Variants in MCTP2 observed in about 807,000 individuals in gnomAD.
MCTP2 encodes multiple C2 and transmembrane domain containing 2.
Under a neutral mutation model 111.6 loss-of-function variants are expected in MCTP2, and 132 were observed. The observed-to-expected ratio is 1.18, with a 90% CI of 1.03 to 1.37. The LOEUF is 1.37. Among genes scored for constraint, MCTP2 ranks in the 40% most tolerant of loss-of-function variants. The pLI, the probability that MCTP2 is intolerant of heterozygous loss-of-function variation, is 0.00. For synonymous variants in MCTP2, 395 were observed against 387.7 expected (o/e 1.02, Z -0.22); for missense variants, 1,183 against 1,067.9 (o/e 1.11, Z -1.50).
intron 7 of MCTP2, 108 bp from the exon 8 acceptor site, chr15:94,345,021 C>A: frequency 1.6e-6 from 2 of 1,260,062 alleles, no homozygotes; most frequent in East Asian, 2.5e-5. Flanking sequence ...TATTAATTAT[C>A]TGAATGTAAC....
At chr15:94,365,752 T>A (rs558115892) in intron 10 of MCTP2, among the ~76,000 whole-genome samples, 1 of 152,176 alleles carries the variant, frequency 6.6e-6, no homozygotes, top group African/African-American at 2.4e-5. Context: ...TTTTGGCTGC[T>A]CAAAGAACCA....
chr15:94,361,517 G>T (rs2078942413), intron 10 of MCTP2, among the ~76,000 whole-genome samples: 1 of 152,256 alleles, frequency 6.6e-6, no homozygotes, highest in South Asian at 2.1e-4. Flanking sequence ...GGGTCATCAT[G>T]GCTAACAGTA....
intron 12 of MCTP2, among the ~76,000 whole-genome samples, chr15:94,383,786 A>G (rs1217309867): frequency 2.0e-5 from 3 of 152,156 alleles, no homozygotes; most frequent in East Asian, 3.9e-4. Flanking sequence ...TGGGGACACA[A>G]CCAGACCGTA....
chr15:94,406,876 T>TTA (rs1206027012), intron 17 of MCTP2, among the ~76,000 whole-genome samples: 4 of 149,640 alleles, frequency 2.7e-5, no homozygotes, highest in African/African-American at 9.9e-5. Flanking sequence ...TTTTTTTTTT[T>TTA]AAGTATTCCA....
intron 1 of MCTP2, among the ~76,000 whole-genome samples, chr15:94,248,523 G>A (rs2072178275): frequency 6.6e-6 from 1 of 152,170 alleles, no homozygotes; most frequent in Non-Finnish European, 1.5e-5. Flanking sequence ...GCTTTGGCCA[G>A]GCTTGCTTTA....
chr15:94,382,956 C>T (rs1380262064), intron 12 of MCTP2, among the ~76,000 whole-genome samples: 1 of 152,196 alleles, frequency 6.6e-6, no homozygotes, highest in East Asian at 1.9e-4. Flanking sequence ...CACTGTAGGT[C>T]TAACTTTGGA....
At chr15:94,359,446 A>G (rs1380236178) in intron 10 of MCTP2, among the ~76,000 whole-genome samples, 1 of 152,172 alleles carries the variant, frequency 6.6e-6, no homozygotes, top group African/African-American at 2.4e-5. Context: ...TCTTAAATTT[A>G]AACACAGATG....
intron 21 of MCTP2, among the ~76,000 whole-genome samples, chr15:94,471,748 A>G (rs1325289777): frequency 7.2e-6 from 1 of 139,172 alleles, no homozygotes; most frequent in Admixed American, 7.4e-5. Flanking sequence ...CTGATTAAGA[A>G]GGCATATTTT....
intron 2 of MCTP2, among the ~76,000 whole-genome samples, chr15:94,313,211 C>T (rs1359115628): frequency 6.6e-6 from 1 of 152,206 alleles, no homozygotes; most frequent in African/African-American, 2.4e-5. Context: ...CCCCCCTCCA[C>T]TCTGCCTCTC....
chr15:94,233,980 T>A (rs1268979453), intron 1 of MCTP2, among the ~76,000 whole-genome samples: 1 of 152,172 alleles, frequency 6.6e-6, no homozygotes, highest in Admixed American at 6.5e-5. Flanking sequence ...GCTTTGCCCG[T>A]GAAGCGAGGA....
intron 19 of MCTP2, among the ~76,000 whole-genome samples, chr15:94,450,336 G>A (rs2084366815): frequency 6.6e-6 from 1 of 152,126 alleles, no homozygotes; most frequent in African/African-American, 2.4e-5. Context: ...TTGACTCCAT[G>A]TGTGTGTGCG....
At chr15:94,338,466 T>C (rs1200895377) in intron 4 of MCTP2, among the ~76,000 whole-genome samples, 1 of 151,610 alleles carries the variant, frequency 6.6e-6, no homozygotes, top group Non-Finnish European at 1.5e-5. Flanking sequence ...CAATACATAA[T>C]TCATGTATTA....
intron 1 of MCTP2, among the ~76,000 whole-genome samples, chr15:94,235,448 A>T (rs148527045): frequency 1.3e-5 from 2 of 152,284 alleles, no homozygotes; most frequent in African/African-American, 4.8e-5. Context: ...ATTCTGGTGC[A>T]TGCTAAAATC....
chr15:94,450,333 C>T (rs1042179208), intron 19 of MCTP2, among the ~76,000 whole-genome samples: 14 of 152,202 alleles, frequency 9.2e-5, no homozygotes, highest in African/African-American at 3.1e-4. Flanking sequence ...GCGTTGACTC[C>T]ATGTGTGTGT....
At chr15:94,473,126 A>G (rs2074067092) in intron 21 of MCTP2, among the ~76,000 whole-genome samples, 2 of 146,672 alleles carry the variant, frequency 1.4e-5, no homozygotes, top group African/African-American at 2.8e-5. Flanking sequence ...TCCTCAAGTC[A>G]TATTTTTATA....
chr15:94,342,580 A>G (rs1009697126), intron 7 of MCTP2: 1 of 149,630 alleles, frequency 6.7e-6, no homozygotes, highest in Non-Finnish European at 1.5e-5. Context: ...ATATATTTTT[A>G]TCCCCATATA....
At chr15:94,399,553 T>G in intron 15 of MCTP2, 1 of 182,024 alleles carries the variant, frequency 5.5e-6, no homozygotes, top group Non-Finnish European at 1.1e-5. Context: ...GAAATTGTTA[T>G]TCACATGCAG....
At chr15:94,258,139 G>A (rs894894700) in intron 1 of MCTP2, among the ~76,000 whole-genome samples, 4 of 149,116 alleles carry the variant, frequency 2.7e-5, no homozygotes, top group Non-Finnish European at 5.9e-5. Flanking sequence ...TCCTCCCAAA[G>A]TGCTGGGATT....
chr15:94,478,416 C>A (rs1406659811), intron 22 of MCTP2, among the ~76,000 whole-genome samples: 1 of 152,206 alleles, frequency 6.6e-6, no homozygotes, highest in African/African-American at 2.4e-5. Flanking sequence ...TGGGGACTCC[C>A]AAGTACTCAT....
Sources: allele counts gnomAD v4.1 joint callset (sites outside exome capture counted in the v4.1 genomes callset), GRCh38; gene constraint gnomAD v4.1.1; transcripts MANE v1.5; gene names NCBI Gene and HGNC (gene_info 2026-07-23, HGNC 2026-07-21).